The following AP3D1 variants were observed in gnomAD, a reference collection of about 807,000 sequenced individuals.
AP3D1 encodes the protein adaptor related protein complex 3 subunit delta 1.
A neutral mutation model predicts 147.6 loss-of-function variants in AP3D1; 51 were observed. The observed-to-expected ratio is 0.35, with a 90% CI of 0.28 to 0.44. The LOEUF (loss-of-function observed/expected upper bound fraction) is 0.44, where lower values mean the gene tolerates loss of function less well. Among genes scored for constraint, AP3D1 ranks in the 20% least tolerant of loss-of-function variants. AP3D1 has a pLI of 1.00. For missense variants in AP3D1, 1,421 were observed against 1,624.2 expected, an observed-to-expected ratio of 0.87 and a Z score of 2.15; for synonymous variants, 760 against 663.0, an observed-to-expected ratio of 1.15 and a Z score of -2.25.
chr19:2,109,990 G>A, intron 28 of AP3D1, 32 bp from the exon 29 acceptor site: 1 of 1,610,330 alleles, frequency 6.2e-7, no homozygotes, highest in Non-Finnish European at 8.5e-7. Context: ...GCAGTTGAGA[G>A]GGGAGTCGGG....
At position 2,121,897 on chromosome 19, in the gene AP3D1, A is replaced by G; in HGVS notation, c.956-18T>C. 6.3e-7 allele frequency: 1 copy of G among 1,592,874 alleles called. No homozygotes were observed. The highest frequency in any genetic ancestry group is 8.5e-7 in the Non-Finnish European group (1 of 1,172,042). ...GTACTTCACTGCAGAGAGAGGCCAG[A>G]GCCGGGTCACTGGGACGGACACAGG... On this transcript the variant is annotated intron_variant, in intron 11 of 31. Transcript: ENST00000643116.
chr19:2,108,923 G>T, intron 30 of AP3D1, 157 bp from the exon 31 acceptor site: 1 of 1,311,564 alleles, frequency 7.6e-7, no homozygotes, highest in Non-Finnish European at 1.0e-6. Context: ...TGTGGGGAAT[G>T]CAGCCCCCGC....
intron 29 of AP3D1, chr19:2,109,661 T>G (rs2018210414): frequency 5.2e-6 from 3 of 582,320 alleles, no homozygotes. Context: ...TGGACCTCTA[T>G]GGGTGACGCT....
intron 1 of AP3D1, among the ~76,000 whole-genome samples, chr19:2,140,628 C>T (rs2019195250): frequency 6.6e-6 from 1 of 152,090 alleles, no homozygotes; most frequent in Non-Finnish European, 1.5e-5. Context: ...GTGTGCGCCA[C>T]CACGCCCAGC....
At chr19:2,119,613 G>A (rs886477764) in intron 14 of AP3D1, among the ~76,000 whole-genome samples, 4 of 149,458 alleles carry the variant, frequency 2.7e-5, no homozygotes, top group African/African-American at 7.4e-5. Context: ...GGAGAATGGC[G>A]TGAACCCAGG....
chr19:2,114,536 G>A (rs1456250687), intron 21 of AP3D1, among the ~76,000 whole-genome samples: 1 of 152,166 alleles, frequency 6.6e-6, no homozygotes, highest in Non-Finnish European at 1.5e-5. Flanking sequence ...AGCACCCCAG[G>A]CCTGGAGACT....
intron 1 of AP3D1, among the ~76,000 whole-genome samples, chr19:2,160,850 C>T (rs1010986558): frequency 8.5e-5 from 13 of 152,098 alleles, no homozygotes; most frequent in Admixed American, 3.3e-4. Flanking sequence ...AAGCAGCGTC[C>T]GTGGCCTCCA....
At chr19:2,118,961 G>A (rs1385758429) in intron 14 of AP3D1, 129 bp from the exon 15 acceptor site, 1 of 811,554 alleles carries the variant, frequency 1.2e-6, no homozygotes, top group African/African-American at 1.7e-5. Context: ...TCCCTGAGCG[G>A]TCTCCAGGGG....
chr19:2,134,765 C>T (rs1437812792), intron 4 of AP3D1, among the ~76,000 whole-genome samples: 1 of 151,086 alleles, frequency 6.6e-6, no homozygotes, highest in Non-Finnish European at 1.5e-5. Flanking sequence ...CCACGCCCGG[C>T]TAATTTTGTA....
At chr19:2,121,445 A>T (rs1485275854) in intron 12 of AP3D1, 134 bp from the exon 13 acceptor site, 1 of 1,231,154 alleles carries the variant, frequency 8.1e-7, no homozygotes, top group African/African-American at 1.5e-5. Context: ...GATGCCAGGG[A>T]GGCAGCAGGC....
chr19:2,111,471 G>C, intron 25 of AP3D1, 139 bp from the exon 26 acceptor site: 2 of 1,257,366 alleles, frequency 1.6e-6, no homozygotes, highest in Non-Finnish European at 2.2e-6. Context: ...GAGCCGATGA[G>C]GGATCCCCGG....
At chr19:2,160,357 C>T (rs552670233) in intron 1 of AP3D1, among the ~76,000 whole-genome samples, 1 of 152,140 alleles carries the variant, frequency 6.6e-6, no homozygotes, top group Non-Finnish European at 1.5e-5. Context: ...GGTGAAACCC[C>T]ATCTCTACTA....
At chr19:2,141,452 T>C (rs2019217863) in intron 1 of AP3D1, among the ~76,000 whole-genome samples, 1 of 151,472 alleles carries the variant, frequency 6.6e-6, no homozygotes, top group African/African-American at 2.4e-5. Context: ...TTTTTTTTTT[T>C]TTAATGGAGT....
upstream of AP3D1, among the ~76,000 whole-genome samples, chr19:2,153,670 G>A (rs1211096205): frequency 7.6e-5 from 11 of 145,588 alleles, no homozygotes; most frequent in East Asian, 6.0e-4. Flanking sequence ...GCAAGATTCC[G>A]TCTCAAAAAA....
intron 20 of AP3D1, 96 bp downstream of exon 20, chr19:2,115,123 A>T: frequency 7.5e-7 from 1 of 1,325,426 alleles, no homozygotes; most frequent in Non-Finnish European, 1.0e-6. Context: ...CCAGCCACCA[A>T]CGAAGACCAT....
At position 2,101,593 on chromosome 19, in the gene AP3D1, T is replaced by C. The variant is rs2017954267; in HGVS notation, c.*580A>G. 1 of 152,240 alleles carries C rather than the reference T, an allele frequency of 6.6e-6. No homozygotes were observed. The highest frequency in any genetic ancestry group is 1.5e-5 in the Non-Finnish European group (1 of 68,132). 9.4% of individuals were successfully genotyped at this position (152,240 alleles called of 1,614,324 possible). A position where few individuals can be genotyped will look rare whatever the true frequency, so the allele number is the denominator to read the frequency against. On this transcript the variant is annotated 3_prime_UTR_variant, in exon 32 of 32. Transcript: ENST00000643116. ...GGCCCCGCCCTGCCCACAGCCTGGC[T>C]GGCGCGTGGCCTGGGATCCCAAGAC...
chr19:2,123,266 G>A lies in AP3D1; in HGVS notation c.955+92C>T. 6 of 1,293,422 alleles carry A rather than the reference G, an allele frequency of 4.6e-6. No homozygotes were observed. The South Asian group carries it at 7.6e-5, about 16-fold the overall frequency. 80.1% of individuals were successfully genotyped at this position (1,293,422 alleles called of 1,614,324 possible). A position where few individuals can be genotyped will look rare whatever the true frequency, so the allele number is the denominator to read the frequency against. On this transcript the variant is annotated intron_variant, in intron 11 of 31. Coordinates refer to ENST00000643116, the MANE Select transcript of AP3D1 (RefSeq NM_001261826.3). Reference sequence around the variant, plus strand: ...CAGGGAGACAGCTGGGGTTGCAGATGCCGTGTCCACTTCCTCCTCACACTA... The same window carrying A: ...CAGGGAGACAGCTGGGGTTGCAGATACCGTGTCCACTTCCTCCTCACACTA...
intron 1 of AP3D1, among the ~76,000 whole-genome samples, chr19:2,142,013 T>C (rs1488442865): frequency 1.3e-5 from 2 of 148,532 alleles, no homozygotes; most frequent in Non-Finnish European, 3.0e-5. Flanking sequence ...TATATGTTTA[T>C]TTATATATAT....
At chr19:2,149,065 G>A (rs1568310197) in intron 1 of AP3D1, among the ~76,000 whole-genome samples, 2 of 152,280 alleles carry the variant, frequency 1.3e-5, no homozygotes, top group Non-Finnish European at 2.9e-5. Flanking sequence ...GACTCCAGCA[G>A]CTGCAGAGAA....
Sources: gnomAD v4.1 joint callset for allele counts (sites outside exome capture counted in the v4.1 genomes callset) on GRCh38, gnomAD v4.1.1 for gene constraint, MANE v1.5 for transcripts, NCBI Gene and HGNC (gene_info 2026-07-23, HGNC 2026-07-21) for gene names.